Variants in PCSK1 observed in about 807,000 individuals in gnomAD.
The protein encoded by PCSK1 is proprotein convertase subtilisin/kexin type 1.
PCSK1 carries 56 observed loss-of-function variants against 90.6 expected under a neutral mutation model. The ratio of observed to expected loss-of-function variants is 0.62; its 90% CI spans 0.50 to 0.77. The LOEUF is 0.77. Among genes scored for constraint, PCSK1 ranks in the 30% least tolerant of loss-of-function variants. PCSK1 has a pLI of 0.00. For missense variants in PCSK1, 801 were observed against 932.6 expected, an observed-to-expected ratio of 0.86 and a Z score of 1.84; for synonymous variants, 348 against 342.4, an observed-to-expected ratio of 1.02 and a Z score of -0.18.
At chr5:96,429,591 T>G (rs1761427856) in intron 1 of PCSK1, among the ~76,000 whole-genome samples, 1 of 152,160 alleles carries the variant, frequency 6.6e-6, no homozygotes, top group South Asian at 2.1e-4. Context: ...TTTTTTCTGA[T>G]CCCTTCTCTT....
At chr5:96,405,767 A>G (rs1760539008) in intron 9 of PCSK1, among the ~76,000 whole-genome samples, 1 of 152,210 alleles carries the variant, frequency 6.6e-6, no homozygotes, top group Non-Finnish European at 1.5e-5. Context: ...CAAGGATTGC[A>G]CTTTTACAAT....
intron 6 of PCSK1, chr5:96,413,094 C>G (rs1022408945): frequency 3.7e-5 from 11 of 297,058 alleles, no homozygotes; most frequent in Non-Finnish European, 5.5e-5. Context: ...ACTTTTGTTT[C>G]TAAGCCCTGA....
At position 96,397,331 on chromosome 5, in the gene PCSK1, C is replaced by T; in HGVS notation, c.1722+5G>A. The T allele has an allele frequency of 1.9e-6, 3 of 1,612,700 alleles. No individual in the cohort carries two copies. Among genetic ancestry groups the T allele is most frequent in the Non-Finnish European group, 2.5e-6 (3 of 1,178,840 alleles). ...GTGTTTTTTCATCCTCTCATTCACA[C>T]TTACCATGTCTGTAATTCTCAAAGT... is the stretch of plus-strand genomic sequence containing the variant. On this transcript the variant is annotated splice_donor_5th_base_variant and intron_variant, in intron 12 of 13. Transcript: ENST00000311106.
intron 11 of PCSK1, 67 bp from the exon 12 acceptor site, chr5:96,397,536 G>A: frequency 7.1e-7 from 1 of 1,412,120 alleles, no homozygotes; most frequent in Non-Finnish European, 1.0e-6. Flanking sequence ...TCTAGCATCT[G>A]ATAACTGAAA....
intron 1 of PCSK1, among the ~76,000 whole-genome samples, chr5:96,430,193 C>A (rs1761448217): frequency 6.6e-6 from 1 of 152,172 alleles, no homozygotes; most frequent in African/African-American, 2.4e-5. Context: ...TTGTACTTCT[C>A]CGGGTATCTA....
intron 9 of PCSK1, among the ~76,000 whole-genome samples, chr5:96,407,301 G>T (rs1760606019): frequency 1.3e-5 from 2 of 152,134 alleles, no homozygotes; most frequent in South Asian, 4.2e-4. Flanking sequence ...CAAAACTAAG[G>T]CCATAAAGAA....
At position 96,399,390 on chromosome 5, in the gene PCSK1, A is replaced by G. The variant is rs187883739; in HGVS notation, c.1431-354T>C. On this transcript the variant is annotated intron_variant, in intron 10 of 13. Coordinates refer to ENST00000311106, the MANE Select transcript of PCSK1 (RefSeq NM_000439.5). ...GGATATTTTGTGTGAGCAGGTCTTC[A>G]GTATTATTTTGATTGCTTTGATAGA... is the stretch of plus-strand genomic sequence containing the variant. 4.6e-5 allele frequency among the ~76,000 whole-genome samples: 7 copies of G among 152,296 alleles called. No homozygotes were observed. In the East Asian group the frequency reaches 1.3e-3, roughly 29 times the overall value.
Position 96,415,475 on chromosome 5 carries a change from C to T in PCSK1, c.709+558G>A, listed in dbSNP as rs77191731. ...TTGGTTTTCTCTAATTCTTGTAAATCGTTTCTTTATTAAAATGTCCACAGT... is the reference window on the plus strand; with the variant it reads ...TTGGTTTTCTCTAATTCTTGTAAATTGTTTCTTTATTAAAATGTCCACAGT... On this transcript the variant is annotated intron_variant, in intron 6 of 13. Transcript: ENST00000311106. Among the ~76,000 whole-genome samples the T allele has an allele frequency of 3.0e-3, 456 of 152,290 alleles. 5 individuals carry two copies. The highest frequency in any genetic ancestry group is 4.8e-3 in the Non-Finnish European group (326 of 68,012).
intron 6 of PCSK1, among the ~76,000 whole-genome samples, chr5:96,413,271 GTGC>G (rs1760830525): frequency 6.6e-6 from 1 of 152,164 alleles, no homozygotes; most frequent in Non-Finnish European, 1.5e-5. Context: ...GTAGCTCTTT[GTGC>G]TTTCCAACAG....
chr5:96,415,806 T>C (rs997590987), intron 6 of PCSK1, among the ~76,000 whole-genome samples: 8 of 26,002 alleles, frequency 3.1e-4, no homozygotes, highest in Non-Finnish European at 4.7e-4. Flanking sequence ...CATTTCCACA[T>C]TTTTTTTTCC....
At position 96,429,254 on chromosome 5, in the gene PCSK1, T is replaced by C. The variant is rs760269702; in HGVS notation, c.244A>G (p.Ser82Gly). The change falls in exon 2 of 14, where the codon AGT becomes GGT. Residue 82 changes from serine (S) to glycine (G), a missense_variant. Transcript: ENST00000311106. ...AATCTCTTAGTGATATGAAAGGCAC[T>C]CCTTCGAGACCTTCTGGGGTGGTTT... ...HKNHPRRSRR[S>G]AFHITKRLSD... The C allele has an allele frequency of 5.6e-6, 9 of 1,603,260 alleles. No homozygotes were observed. The South Asian group carries it at 9.9e-5, about 18-fold the overall frequency.
At position 96,432,992 on chromosome 5, in the gene PCSK1, G is replaced by A. The variant is rs774807858; in HGVS notation, c.51C>T (p.Cys17=). Residue 17 remains cysteine (C), a synonymous_variant, in exon 1 of 14, where the codon TGC becomes TGT. Transcript: ENST00000311106. Reference sequence around the variant, plus strand: ...TTGCACTGTTCAGTGCACACCAAGCGCAAAAGAGGACGAAAGCAGTGCACT... The same window carrying A: ...TTGCACTGTTCAGTGCACACCAAGCACAAAAGAGGACGAAAGCAGTGCACT... ...SLQCTAFVLF[C]AWCALNSAKA... is the part of the protein sequence containing the mutation. The A allele has an allele frequency of 1.9e-6, 3 of 1,614,182 alleles. No individual in the cohort carries two copies. Among genetic ancestry groups the A allele is most frequent in the East Asian group, 2.2e-5 (1 of 44,882 alleles).
intron 7 of PCSK1, among the ~76,000 whole-genome samples, chr5:96,411,676 T>C (rs1023514888): frequency 1.3e-5 from 2 of 152,180 alleles, no homozygotes; most frequent in African/African-American, 4.8e-5. Flanking sequence ...AGTTTTTTAC[T>C]AGTGTAAAAA....
chr5:96,394,897 T>C lies in PCSK1; in HGVS notation c.1851A>G (p.Arg617=). ...GATCCACCATCTTCTCCACCCCTCT[T>C]CTGTCATTCTGAACAGTGTTGTAGG... ...YTSYNTVQND[R]RGVEKMVDPG... Residue 617 remains arginine, a synonymous_variant, in exon 13 of 14, where the codon AGA becomes AGG. Transcript: ENST00000311106. The C allele has an allele frequency of 6.2e-7, 1 of 1,614,110 alleles. No homozygotes were observed. The highest frequency in any genetic ancestry group is 8.5e-7 in the Non-Finnish European group (1 of 1,179,992).
chr5:96,411,758 A>G (rs1390878076), intron 7 of PCSK1, among the ~76,000 whole-genome samples: 1 of 152,262 alleles, frequency 6.6e-6, no homozygotes, highest in Non-Finnish European at 1.5e-5. Context: ...ATATGCTAAA[A>G]GTAATAAATT....
intron 3 of PCSK1, among the ~76,000 whole-genome samples, chr5:96,424,016 C>T (rs532340971): frequency 2.6e-5 from 4 of 152,174 alleles, no homozygotes; most frequent in Non-Finnish European, 5.9e-5. Context: ...GGGTAAGTGT[C>T]TGTGAGAGGA....
At chr5:96,408,192 TA>T in intron 9 of PCSK1, 30 bp downstream of exon 9, 1 of 1,473,466 alleles carries the variant, frequency 6.8e-7, no homozygotes. Flanking sequence ...TCAGCCTTTG[TA>T]AAGGTGATTA....
chr5:96,395,173 G>C (rs978796192), intron 12 of PCSK1, 148 bp from the exon 13 acceptor site: 2 of 705,690 alleles, frequency 2.8e-6, no homozygotes, highest in Admixed American at 2.2e-5. Flanking sequence ...ATCCACTCTT[G>C]CTATAAAAAT....
At position 96,392,074 on chromosome 5, in the gene PCSK1, A is replaced by T. The variant is rs1759963278; in HGVS notation, c.*927T>A. 6.6e-6 allele frequency: 1 copy of T among 152,192 alleles called. No homozygotes were observed. The allele number at this position is 152,192 out of a possible 1,614,324, so 9.4% of individuals were successfully genotyped here. ...CTTCTCTTGGTTTCTCCCTATTATGAGTATTTTTCTATTATTACATTAGGT... is the reference window on the plus strand; with the variant it reads ...CTTCTCTTGGTTTCTCCCTATTATGTGTATTTTTCTATTATTACATTAGGT... On this transcript the variant is annotated 3_prime_UTR_variant, in exon 14 of 14. Coordinates refer to ENST00000311106, the MANE Select transcript of PCSK1 (RefSeq NM_000439.5).
Sources: allele counts gnomAD v4.1 joint callset (sites outside exome capture counted in the v4.1 genomes callset), GRCh38; gene constraint gnomAD v4.1.1; transcripts MANE v1.5; gene names NCBI Gene and HGNC (gene_info 2026-07-23, HGNC 2026-07-21).